CDH23: variants seen among roughly 807,000 people sequenced by gnomAD.
CDH23 encodes cadherin related 23.
In CDH23, 189 loss-of-function variants were observed where a neutral mutation model predicts 317.1. That is an observed-to-expected ratio of 0.60 (90% CI 0.53 to 0.67). The LOEUF is 0.67. Among genes scored for constraint, CDH23 ranks in the 30% least tolerant of loss-of-function variants. The probability of loss-of-function intolerance (pLI) is 0.00; values close to 1 mark genes in which losing one functional copy is unlikely to be tolerated. For missense variants in CDH23, 4,401 were observed against 4,592.4 expected, an observed-to-expected ratio of 0.96 and a Z score of 1.20; for synonymous variants, 1,839 against 1,876.8, an observed-to-expected ratio of 0.98 and a Z score of 0.52.
chr10:71,755,976 GT>G (rs1463199718), intron 38 of CDH23, among the ~76,000 whole-genome samples: 1 of 152,078 alleles, frequency 6.6e-6, no homozygotes, highest in African/African-American at 2.4e-5. Context: ...CATTATATAT[GT>G]TTTATCATAA....
At chr10:71,791,398 G>A in intron 47 of CDH23, 63 bp downstream of exon 47, 1 of 1,439,132 alleles carries the variant, frequency 6.9e-7, no homozygotes, top group Non-Finnish European at 9.6e-7. Context: ...ACAGGGGACT[G>A]GAGCCTCAGG....
chr10:71,651,100 C>T (rs1440133842), intron 14 of CDH23, among the ~76,000 whole-genome samples: 2 of 152,208 alleles, frequency 1.3e-5, no homozygotes, highest in Non-Finnish European at 2.9e-5. Flanking sequence ...CTGAGTATTA[C>T]TTGCTGTGAT....
Position 71,809,848 on chromosome 10 carries a change from C to G in CDH23, c.8751C>G (p.Phe2917Leu). Residue 2917 changes from phenylalanine to leucine, a missense_variant, in exon 61 of 70, where the codon TTC becomes TTG. By Grantham distance (22) the Phe-to-Leu change is conservative. Transcript: ENST00000224721. ...GCATGGACGGCATTCTGCGCACCTTCGACCTCTTCATGGCCTACAGCCCCG... is the reference window on the plus strand; with the variant it reads ...GCATGGACGGCATTCTGCGCACCTTGGACCTCTTCATGGCCTACAGCCCCG... ...MGSMDGILRT[F>L]DLFMAYSPGY... is the part of the protein sequence containing the mutation. The G allele has an allele frequency of 6.2e-7, 1 of 1,613,308 alleles. No individual in the cohort carries two copies. The highest frequency in any genetic ancestry group is 8.5e-7 in the Non-Finnish European group (1 of 1,179,874).
chr10:71,785,639 C>T lies in CDH23; in HGVS notation c.5721C>T (p.Ile1907=), dbSNP rs777270336. 1.0e-5 allele frequency: 16 copies of T among 1,594,414 alleles called. No homozygotes were observed. The East Asian group carries it at 1.1e-4, about 11-fold the overall frequency. ...CACCCTCCACATCCCAGACAGGGATCGTCACTGTGAACCGGCCCCTGGACC... is the reference window on the plus strand; with the variant it reads ...CACCCTCCACATCCCAGACAGGGATTGTCACTGTGAACCGGCCCCTGGACC... ...RAFFINATTG[I]VTVNRPLDRE... The change falls in exon 44 of 70, where the codon ATC becomes ATT. Residue 1907 remains isoleucine (I), a synonymous_variant. Transcript: ENST00000224721.
chr10:71,797,932 A>G (rs537965778), intron 49 of CDH23, among the ~76,000 whole-genome samples: 1 of 152,162 alleles, frequency 6.6e-6, no homozygotes, highest in Non-Finnish European at 1.5e-5. Context: ...GCTTATCTTC[A>G]CAGCCCAGAA....
Position 71,730,575 on chromosome 10 carries a change from T to C in CDH23, c.3686T>C (p.Ile1229Thr), listed in dbSNP as rs761287904. Residue 1229 changes from isoleucine (I) to threonine (T), a missense_variant, in exon 31 of 70, where the codon ATC becomes ACC. Ile to Thr is a moderately conservative substitution (Grantham distance 89). Around this residue, in one of 3 missense-constraint regions of CDH23, gnomAD observed 3,068 missense variants for 3,203.3 expected, o/e 0.96. Coordinates refer to ENST00000224721, the MANE Select transcript of CDH23 (RefSeq NM_022124.6). Reference sequence around the variant, plus strand: ...ACCGCAGGCATTGGAACGTCAGTCATCGTGGTCCAAGCCACAGACCGAGAC... The same window carrying C: ...ACCGCAGGCATTGGAACGTCAGTCACCGTGGTCCAAGCCACAGACCGAGAC... ...RETAGIGTSV[I>T]VVQATDRDSG... 3.1e-6 allele frequency: 5 copies of C among 1,613,878 alleles called. No individual in the cohort carries two copies. In the South Asian group the frequency reaches 5.5e-5, roughly 18 times the overall value.
chr10:71,558,624 A>G (rs1248332182), intron 6 of CDH23, among the ~76,000 whole-genome samples: 1 of 152,006 alleles, frequency 6.6e-6, no homozygotes, highest in Admixed American at 6.5e-5. Flanking sequence ...AGTGATCCTT[A>G]GTTGTCTCTT....
chr10:71,670,961 C>CTTTTTT (rs762870565), intron 14 of CDH23, among the ~76,000 whole-genome samples: 1 of 128,600 alleles, frequency 7.8e-6, no homozygotes, highest in East Asian at 2.4e-4. Flanking sequence ...GATTTGGCAT[C>CTTTTTT]TTTTTTTTTT....
intron 27 of CDH23, among the ~76,000 whole-genome samples, chr10:71,710,568 G>GC (rs1865935542): frequency 6.6e-6 from 1 of 152,222 alleles, no homozygotes; most frequent in African/African-American, 2.4e-5. Context: ...CACCTACCCA[G>GC]CATCCCAGGC....
chr10:71,421,933 G>A (rs1283735953), intron 1 of CDH23, among the ~76,000 whole-genome samples: 1 of 152,024 alleles, frequency 6.6e-6, no homozygotes, highest in Non-Finnish European at 1.5e-5. Context: ...GGTGTTAAGA[G>A]GAAAGGCATC....
chr10:71,461,593 C>T (rs927757847), intron 3 of CDH23, among the ~76,000 whole-genome samples: 1 of 152,224 alleles, frequency 6.6e-6, no homozygotes, highest in East Asian at 1.9e-4. Flanking sequence ...TTTGCACGAT[C>T]CATGTCTCCT....
chr10:71,694,259 C>G lies in CDH23; in HGVS notation c.2289C>G (p.Thr763=). 1.2e-6 allele frequency: 2 copies of G among 1,608,956 alleles called. No individual in the cohort carries two copies. The highest frequency in any genetic ancestry group is 1.7e-6 in the Non-Finnish European group (2 of 1,176,846). The change falls in exon 21 of 70, where the codon ACC becomes ACG. Residue 763 remains threonine (T), a splice_region_variant and synonymous_variant. Coordinates refer to ENST00000224721, the MANE Select transcript of CDH23 (RefSeq NM_022124.6). ...VGHNQKTGIA[T]VNITLLDIND... ...ACAACCAGAAAACTGGCATCGCCAC[C>G]GTGAGTGCGCTCCCCTCCCGTGCCC...
rs1354263883 is a variant in CDH23, at chr10:71,813,234, C to T, written c.9634-10C>T. 2.6e-6 allele frequency: 4 copies of T among 1,551,196 alleles called. No individual in the cohort carries two copies. In the Admixed American group the frequency reaches 7.8e-5, roughly 30 times the overall value. On this transcript the variant is annotated splice_polypyrimidine_tract_variant and intron_variant, in intron 68 of 69. Transcript: ENST00000224721. ...GGCCTTGGTGGGGGTTAACCCTTTC[C>T]CTCCCCCAGGGCTCGCTGCTGAAGG...
intron 8 of CDH23, among the ~76,000 whole-genome samples, chr10:71,576,914 G>C (rs1858247229): frequency 6.6e-6 from 1 of 152,192 alleles, no homozygotes. Context: ...TGTGCCAGTT[G>C]TATGCCAGGA....
intron 9 of CDH23, among the ~76,000 whole-genome samples, chr10:71,583,242 G>C (rs921484839): frequency 1.3e-5 from 2 of 152,054 alleles, no homozygotes; most frequent in Non-Finnish European, 2.9e-5. Context: ...GCACAGGGGA[G>C]GCGGGGTGGG....
intron 3 of CDH23, among the ~76,000 whole-genome samples, chr10:71,488,129 G>A (rs1485674713): frequency 6.6e-6 from 1 of 152,268 alleles, no homozygotes; most frequent in Non-Finnish European, 1.5e-5. Flanking sequence ...AGGCCTGCAG[G>A]AGAGTGGGAG....
intron 11 of CDH23, among the ~76,000 whole-genome samples, chr10:71,642,246 T>C (rs1012237895): frequency 1.3e-5 from 2 of 152,056 alleles, no homozygotes; most frequent in African/African-American, 4.8e-5. Context: ...TAACTAACAT[T>C]GCTGACTGCA....
chr10:71,689,181 G>GC (rs1564734235), intron 19 of CDH23, among the ~76,000 whole-genome samples: 1 of 99,900 alleles, frequency 1.0e-5, no homozygotes, highest in Non-Finnish European at 2.2e-5. Flanking sequence ...GGGTGGTAGA[G>GC]TCAGGGGTGG....
chr10:71,808,945 T>G (rs1031118736), intron 60 of CDH23, among the ~76,000 whole-genome samples: 1 of 152,188 alleles, frequency 6.6e-6, no homozygotes, highest in East Asian at 1.9e-4. Flanking sequence ...CTAGTTCATG[T>G]GCCACCTCAT....
Sources: gnomAD v4.1 joint callset for allele counts (sites outside exome capture counted in the v4.1 genomes callset) on GRCh38, gnomAD v4.1.1 for gene constraint, gnomAD v4.1.1 regional missense constraint, MANE v1.5 for transcripts, NCBI Gene and HGNC (gene_info 2026-07-23, HGNC 2026-07-21) for gene names.